The following FNIP2 variants were observed in gnomAD, a reference collection of about 807,000 sequenced individuals.
The protein encoded by FNIP2 is folliculin interacting protein 2, also known as folliculin-interacting protein 2.
In FNIP2, 32 loss-of-function variants were observed where a neutral mutation model predicts 108.7. That is an observed-to-expected ratio of 0.29 (90% CI 0.22 to 0.40). The LOEUF is 0.40. FNIP2 is among the 10% of genes least tolerant of loss of function. FNIP2 has a pLI of 1.00. For synonymous variants in FNIP2, 480 were observed against 496.7 expected (o/e 0.97, Z 0.45); for missense variants, 1,202 against 1,381.6 (o/e 0.87, Z 2.06).
rs376311740 is a variant in FNIP2, at chr4:158,861,432, C to A, written c.1239C>A (p.Leu413=). The A allele has an allele frequency of 4.4e-5, 71 of 1,613,914 alleles. No individual in the cohort carries two copies. The Middle Eastern group carries it at 6.6e-4, about 15-fold the overall frequency. The change falls in exon 11 of 17, where the codon CTC becomes CTA. Residue 413 remains leucine, a synonymous_variant. Coordinates refer to ENST00000264433, the MANE Select transcript of FNIP2 (RefSeq NM_020840.3). Reference sequence around the variant, plus strand: ...CCGGCACTTTGGAAAAAAACCAGCTCTGCCAGCGCTTTCTCAAGGAGTTTA... The same window carrying A: ...CCGGCACTTTGGAAAAAAACCAGCTATGCCAGCGCTTTCTCAAGGAGTTTA... ...MMSGTLEKNQ[L]CQRFLKEFTL...
intron 16 of FNIP2, among the ~76,000 whole-genome samples, chr4:158,902,883 A>G (rs1729464309): frequency 6.7e-6 from 1 of 148,918 alleles, no homozygotes; most frequent in Admixed American, 6.7e-5. Flanking sequence ...CTGTGCTGGC[A>G]GTGAGAATTT....
chr4:158,781,949 T>A (rs541023951), intron 1 of FNIP2, among the ~76,000 whole-genome samples: 1 of 152,334 alleles, frequency 6.6e-6, no homozygotes, highest in East Asian at 1.9e-4. Context: ...CTTGCAAGTT[T>A]GTCTGAAGAC....
chr4:158,849,662 C>A (rs1403749667), intron 7 of FNIP2, among the ~76,000 whole-genome samples: 1 of 152,116 alleles, frequency 6.6e-6, no homozygotes, highest in Non-Finnish European at 1.5e-5. Context: ...AAGCTCTCTT[C>A]TAACTCCTTT....
intron 7 of FNIP2, among the ~76,000 whole-genome samples, chr4:158,841,421 G>A (rs911357222): frequency 2.6e-5 from 4 of 152,158 alleles, no homozygotes; most frequent in African/African-American, 7.2e-5. Flanking sequence ...AAACAAGTCA[G>A]GTTCTTTATT....
At chr4:158,847,643 T>C (rs1779476612) in intron 7 of FNIP2, among the ~76,000 whole-genome samples, 1 of 152,078 alleles carries the variant, frequency 6.6e-6, no homozygotes, top group South Asian at 2.1e-4. Context: ...CCCTTATGCT[T>C]GAGAAAACGG....
At chr4:158,835,525 A>G in intron 7 of FNIP2, 49 bp downstream of exon 7, 1 of 1,550,078 alleles carries the variant, frequency 6.5e-7, no homozygotes, top group South Asian at 1.1e-5. Context: ...AACTATCTAC[A>G]GTGGTGTGGA....
At chr4:158,876,333 A>G (rs1051584595) in intron 14 of FNIP2, among the ~76,000 whole-genome samples, 1 of 152,024 alleles carries the variant, frequency 6.6e-6, no homozygotes, top group African/African-American at 2.4e-5. Flanking sequence ...ATAGCTTCCT[A>G]TTTTCTAAGA....
rs148574055 is a variant in FNIP2, at chr4:158,806,525, A to G, written c.108-19391A>G. On this transcript the variant is annotated intron_variant, in intron 1 of 16. Coordinates refer to ENST00000264433, the MANE Select transcript of FNIP2 (RefSeq NM_020840.3). ...ATTGATCTGAAAGTTGTTGTTTCTC[A>G]TAAGTGCTTCTAAGTAGGAGAAATG... 5 of 821,426 alleles carry G rather than the reference A, an allele frequency of 6.1e-6. No homozygotes were observed. In the East Asian group the frequency reaches 2.6e-4, roughly 42 times the overall value. The allele number at this position is 821,426 out of a possible 1,614,324, so 50.9% of individuals were successfully genotyped here.
intron 1 of FNIP2, among the ~76,000 whole-genome samples, chr4:158,796,856 G>T (rs1208889318): frequency 6.6e-6 from 1 of 152,122 alleles, no homozygotes; most frequent in Non-Finnish European, 1.5e-5. Context: ...CTTAACTCTT[G>T]CCTTGTCGTC....
chr4:158,840,711 G>T (rs370853256), intron 7 of FNIP2, among the ~76,000 whole-genome samples: 2 of 152,322 alleles, frequency 1.3e-5, no homozygotes, highest in East Asian at 3.9e-4. Flanking sequence ...CTAAAGTTTG[G>T]AAGTCTTGAG....
chr4:158,777,816 GATTTT>G (rs991083539), intron 1 of FNIP2, among the ~76,000 whole-genome samples: 1 of 152,090 alleles, frequency 6.6e-6, no homozygotes, highest in Admixed American at 6.5e-5. Flanking sequence ...ATGAAATTAT[GATTTT>G]ATTTTAAGAT....
chr4:158,823,650 G>A (rs1038795316), intron 1 of FNIP2, among the ~76,000 whole-genome samples: 3 of 152,206 alleles, frequency 2.0e-5, no homozygotes, highest in Admixed American at 2.0e-4. Flanking sequence ...TTTGGGTACT[G>A]CCAGGAATCT....
chr4:158,870,498 C>T (rs1321552808), intron 14 of FNIP2, 29 bp downstream of exon 14: 1 of 1,579,412 alleles, frequency 6.3e-7, no homozygotes, highest in South Asian at 1.1e-5. Context: ...GAGCCTCTGG[C>T]TGCTGACAGT....
chr4:158,873,379 T>G (rs1237673134), intron 14 of FNIP2, among the ~76,000 whole-genome samples: 1 of 152,062 alleles, frequency 6.6e-6, no homozygotes, highest in African/African-American at 2.4e-5. Context: ...TTTGTTTTTG[T>G]TTTTGTTTTT....
At position 158,829,237 on chromosome 4, in the gene FNIP2, C is replaced by A; in HGVS notation, c.381+12C>A. The A allele has an allele frequency of 6.3e-7, 1 of 1,590,050 alleles. No homozygotes were observed. The highest frequency in any genetic ancestry group is 2.3e-5 in the East Asian group (1 of 43,980). ...TTCCAAAGTACCAGGTACAACCATC[C>A]CTTCTGTGGGAATAGCCCCTGAGGT... On this transcript the variant is annotated intron_variant, in intron 3 of 16. Coordinates refer to ENST00000264433, the MANE Select transcript of FNIP2 (RefSeq NM_020840.3).
Position 158,904,441 on chromosome 4 carries a change from ATTCTT to A in FNIP2, c.3267-15_3267-11del, listed in dbSNP as rs1455400109. The stretch of plus-strand genomic sequence containing the variant: ...TAAAACCATGCTCTTTTAAAGTAAT[ATTCTT>A]TTCTTTTCTCAATATTCAGGATTGA... On this transcript the variant is annotated intron_variant, in intron 16 of 16. Coordinates refer to ENST00000264433, the MANE Select transcript of FNIP2 (RefSeq NM_020840.3). 5 of 1,573,466 alleles carry A rather than the reference ATTCTT, an allele frequency of 3.2e-6. No homozygotes were observed. The highest frequency in any genetic ancestry group is 3.5e-6 in the Non-Finnish European group (4 of 1,144,768).
intron 1 of FNIP2, among the ~76,000 whole-genome samples, chr4:158,813,916 A>G (rs1375412706): frequency 6.6e-6 from 1 of 152,200 alleles, no homozygotes; most frequent in Non-Finnish European, 1.5e-5. Context: ...TTATTCCAGC[A>G]CCATTTGTTG....
At chr4:158,821,277 C>T (rs932740262) in intron 1 of FNIP2, among the ~76,000 whole-genome samples, 5 of 152,204 alleles carry the variant, frequency 3.3e-5, no homozygotes, top group African/African-American at 7.2e-5. Context: ...TACCCTGATG[C>T]CAAGGACAGT....
At chr4:158,890,545 T>G (rs920372255) in intron 14 of FNIP2, among the ~76,000 whole-genome samples, 6 of 152,184 alleles carry the variant, frequency 3.9e-5, no homozygotes, top group African/African-American at 9.6e-5. Context: ...TTCCCACTAC[T>G]TGGATTAAGT....
Sources: gnomAD v4.1 joint callset for allele counts (sites outside exome capture counted in the v4.1 genomes callset) on GRCh38, gnomAD v4.1.1 for gene constraint, MANE v1.5 for transcripts, NCBI Gene and HGNC (gene_info 2026-07-23, HGNC 2026-07-21) for gene names.